The following DDX10 variants were observed in gnomAD, a reference collection of about 807,000 sequenced individuals.
The protein encoded by DDX10 is probable ATP-dependent RNA helicase DDX10.
DDX10 carries 74 observed loss-of-function variants against 104.3 expected under a neutral mutation model. That is an observed-to-expected ratio of 0.71 (90% CI 0.59 to 0.86). The LOEUF is 0.86. DDX10 is among the 40% of genes least tolerant of loss of function. The pLI is 0.00. For synonymous variants in DDX10, 351 were observed against 353.4 expected, an observed-to-expected ratio of 0.99 and a Z score of 0.08; for missense variants, 952 against 1,040.0, an observed-to-expected ratio of 0.92 and a Z score of 1.16.
intron 13 of DDX10, among the ~76,000 whole-genome samples, chr11:108,821,728 A>T (rs1388049105): frequency 2.6e-5 from 4 of 152,260 alleles, no homozygotes; most frequent in African/African-American, 2.4e-5. Context: ...GCGCTTTTTT[A>T]AAAAAATGTG....
At chr11:108,699,983 A>G (rs2094265348) in intron 9 of DDX10, among the ~76,000 whole-genome samples, 1 of 152,232 alleles carries the variant, frequency 6.6e-6, no homozygotes, top group Admixed American at 6.5e-5. Flanking sequence ...AAAGCCCACC[A>G]GAGAAACATA....
chr11:108,715,013 CAGAG>C (rs1423196706), intron 10 of DDX10, among the ~76,000 whole-genome samples: 1 of 124,826 alleles, frequency 8.0e-6, no homozygotes, highest in Non-Finnish European at 1.8e-5. Flanking sequence ...AGCCTAAAAT[CAGAG>C]AAACAATGAG....
chr11:108,907,227 T>C (rs769125821), intron 16 of DDX10, among the ~76,000 whole-genome samples: 1 of 152,204 alleles, frequency 6.6e-6, no homozygotes, highest in Non-Finnish European at 1.5e-5. Flanking sequence ...GTGTAAGTGC[T>C]ACTTTATTGA....
chr11:108,769,186 T>G (rs1205576417), intron 13 of DDX10, among the ~76,000 whole-genome samples: 1 of 152,028 alleles, frequency 6.6e-6, no homozygotes, highest in African/African-American at 2.4e-5. Context: ...TGGAAAATTA[T>G]CAAGTTTTTT....
intron 7 of DDX10, 69 bp from the exon 8 acceptor site, chr11:108,691,807 G>T (rs534409449): frequency 1.7e-5 from 24 of 1,440,780 alleles, no homozygotes; most frequent in Middle Eastern, 1.8e-4. Context: ...TGTGGGATAC[G>T]TTGATAAGAG....
chr11:108,685,230 C>T (rs1194664675), intron 6 of DDX10, among the ~76,000 whole-genome samples: 10 of 151,598 alleles, frequency 6.6e-5, no homozygotes, highest in Non-Finnish European at 8.8e-5. Context: ...GATATAGTCT[C>T]GTGGTGCGCC....
At chr11:108,699,111 A>G (rs1166326860) in intron 9 of DDX10, among the ~76,000 whole-genome samples, 1 of 152,138 alleles carries the variant, frequency 6.6e-6, no homozygotes, top group Non-Finnish European at 1.5e-5. Flanking sequence ...AAAGGCAGCA[A>G]TGTTTGTCTA....
At chr11:108,905,454 CT>C (rs974878397) in intron 16 of DDX10, among the ~76,000 whole-genome samples, 1 of 151,442 alleles carries the variant, frequency 6.6e-6, no homozygotes, top group Non-Finnish European at 1.5e-5. Flanking sequence ...TGGGGGAGTC[CT>C]TTTTTTTCAA....
chr11:108,812,221 T>TA (rs1565286437), intron 13 of DDX10, among the ~76,000 whole-genome samples: 1 of 152,220 alleles, frequency 6.6e-6, no homozygotes, highest in Non-Finnish European at 1.5e-5. Flanking sequence ...AAGACATTTT[T>TA]GGAAAATCTA....
intron 13 of DDX10, among the ~76,000 whole-genome samples, chr11:108,813,419 T>G (rs10890895): frequency 6.6e-6 from 1 of 151,970 alleles, no homozygotes; most frequent in Non-Finnish European, 1.5e-5. Flanking sequence ...ATTGGGCTGA[T>G]GATCTTAATT....
chr11:108,796,941 C>T (rs1467792969), intron 13 of DDX10, among the ~76,000 whole-genome samples: 1 of 152,156 alleles, frequency 6.6e-6, no homozygotes, highest in African/African-American at 2.4e-5. Flanking sequence ...AGGCCCTCAT[C>T]AGATGTTGGC....
chr11:108,895,019 A>G (rs1018992827), intron 16 of DDX10, among the ~76,000 whole-genome samples: 1 of 151,966 alleles, frequency 6.6e-6, no homozygotes, highest in Non-Finnish European at 1.5e-5. Flanking sequence ...ACTTTGGACA[A>G]TTTCAAAATA....
chr11:108,752,067 A>G (rs1273398623), intron 13 of DDX10, among the ~76,000 whole-genome samples: 1 of 152,114 alleles, frequency 6.6e-6, no homozygotes, highest in Admixed American at 6.6e-5. Context: ...CTCTCTCTCC[A>G]TGGGGTAGGT....
intron 1 of DDX10, among the ~76,000 whole-genome samples, chr11:108,665,973 C>T (rs1023419641): frequency 7.9e-5 from 12 of 152,212 alleles, no homozygotes; most frequent in Non-Finnish European, 1.5e-4. Context: ...CTGTTTCTGT[C>T]ACCTATCATC....
chr11:108,920,723 C>A (rs987290961), intron 17 of DDX10: 1 of 152,216 alleles, frequency 6.6e-6, no homozygotes, highest in Non-Finnish European at 1.5e-5. Context: ...TGACTAAACA[C>A]CTGGATCCAT....
chr11:108,854,877 T>TG, intron 16 of DDX10, among the ~76,000 whole-genome samples: 1 of 152,240 alleles, frequency 6.6e-6, no homozygotes, highest in Middle Eastern at 3.4e-3. Context: ...CTAAGAAAAA[T>TG]TGCTTTAAAG....
At chr11:108,828,007 C>T (rs1862419223) in intron 13 of DDX10, among the ~76,000 whole-genome samples, 1 of 152,136 alleles carries the variant, frequency 6.6e-6, no homozygotes, top group African/African-American at 2.4e-5. Context: ...GATGTACAAC[C>T]AATCTCCAGA....
At chr11:108,700,346 G>A (rs902581991) in intron 9 of DDX10, among the ~76,000 whole-genome samples, 6 of 152,304 alleles carry the variant, frequency 3.9e-5, no homozygotes, top group Admixed American at 3.3e-4. Flanking sequence ...GGTAGATTAT[G>A]TCGATGATTT....
chr11:108,888,851 A>T (rs746531887), intron 16 of DDX10, among the ~76,000 whole-genome samples: 1 of 152,158 alleles, frequency 6.6e-6, no homozygotes, highest in African/African-American at 2.4e-5. Context: ...CATGGTTGAA[A>T]TCTATTTTTC....
Sources: allele counts gnomAD v4.1 joint callset (sites outside exome capture counted in the v4.1 genomes callset), GRCh38; gene constraint gnomAD v4.1.1; transcripts MANE v1.5; gene names NCBI Gene and HGNC (gene_info 2026-07-23, HGNC 2026-07-21).